VTI1A: variants seen among roughly 807,000 people sequenced by gnomAD.
The protein encoded by VTI1A is vesicle transport through interaction with t-SNAREs 1A.
VTI1A carries 22 observed loss-of-function variants against 34.9 expected under a neutral mutation model. That is an observed-to-expected ratio of 0.63 (90% CI 0.45 to 0.90). The LOEUF is 0.90. Among genes scored for constraint, VTI1A ranks in the 40% least tolerant of loss-of-function variants. The probability of loss-of-function intolerance (pLI) is 0.00; values close to 1 mark genes in which losing one functional copy is unlikely to be tolerated. For missense variants in VTI1A, 268 were observed against 275.6 expected, an observed-to-expected ratio of 0.97 and a Z score of 0.20; for synonymous variants, 87 against 97.3, an observed-to-expected ratio of 0.89 and a Z score of 0.62.
chr10:112,760,220 G>A (rs1209630040), intron 7 of VTI1A, among the ~76,000 whole-genome samples: 1 of 152,174 alleles, frequency 6.6e-6, no homozygotes, highest in East Asian at 1.9e-4. Flanking sequence ...ACCATGGATA[G>A]TACTAAGCCC....
intron 4 of VTI1A, among the ~76,000 whole-genome samples, chr10:112,537,469 A>G (rs1018991023): frequency 1.1e-4 from 16 of 151,516 alleles, no homozygotes; most frequent in African/African-American, 3.9e-4. Context: ...GAGGAAAGAA[A>G]GTTTAGAAGC....
At chr10:112,579,556 AG>A (rs1843842381) in intron 5 of VTI1A, among the ~76,000 whole-genome samples, 1 of 152,200 alleles carries the variant, frequency 6.6e-6, no homozygotes, top group South Asian at 2.1e-4. Flanking sequence ...AACTAAAAAA[AG>A]GTATATCTTA....
At chr10:112,757,349 T>C (rs1455638348) in intron 7 of VTI1A, among the ~76,000 whole-genome samples, 8 of 135,580 alleles carry the variant, frequency 5.9e-5, no homozygotes, top group Non-Finnish European at 1.2e-4. Flanking sequence ...TTTGTTGCTG[T>C]GATTTTTTTT....
intron 5 of VTI1A, among the ~76,000 whole-genome samples, chr10:112,607,705 C>T (rs1589967155): frequency 1.3e-5 from 2 of 152,182 alleles, no homozygotes; most frequent in East Asian, 1.9e-4. Context: ...CTCGGTCTCT[C>T]GGACTCATGA....
chr10:112,700,860 C>G (rs1337363803), intron 7 of VTI1A, among the ~76,000 whole-genome samples: 2 of 152,172 alleles, frequency 1.3e-5, no homozygotes, highest in Non-Finnish European at 2.9e-5. Context: ...TTCATCTGTT[C>G]CACCACTTTG....
At chr10:112,664,140 T>C (rs1362284148) in intron 5 of VTI1A, among the ~76,000 whole-genome samples, 1 of 152,226 alleles carries the variant, frequency 6.6e-6, no homozygotes, top group Admixed American at 6.5e-5. Context: ...TAACAAAGTT[T>C]ATGAAAAGAA....
At chr10:112,764,375 G>C (rs1851579801) in intron 7 of VTI1A, among the ~76,000 whole-genome samples, 1 of 152,208 alleles carries the variant, frequency 6.6e-6, no homozygotes, top group Admixed American at 6.5e-5. Context: ...AATAATGCAA[G>C]AGTCATCTTT....
At chr10:112,604,164 C>T (rs1477863848) in intron 5 of VTI1A, among the ~76,000 whole-genome samples, 1 of 152,104 alleles carries the variant, frequency 6.6e-6, no homozygotes, top group African/African-American at 2.4e-5. Context: ...GCTCTGGAGC[C>T]ACACTGCCTG....
chr10:112,599,822 T>C (rs1452707421), intron 5 of VTI1A, among the ~76,000 whole-genome samples: 1 of 152,136 alleles, frequency 6.6e-6, no homozygotes, highest in Non-Finnish European at 1.5e-5. Flanking sequence ...TCAAGGATGA[T>C]CTTGCCTCGG....
chr10:112,505,370 T>C (rs1849390250), intron 3 of VTI1A, among the ~76,000 whole-genome samples: 1 of 152,222 alleles, frequency 6.6e-6, no homozygotes, highest in African/African-American at 2.4e-5. Context: ...TCACTTATTG[T>C]TTGCAATTCA....
intron 5 of VTI1A, among the ~76,000 whole-genome samples, chr10:112,612,365 T>C (rs1227414079): frequency 6.6e-6 from 1 of 152,208 alleles, no homozygotes; most frequent in African/African-American, 2.4e-5. Context: ...ATTTCTTTCT[T>C]GCTTCCTACT....
intron 5 of VTI1A, among the ~76,000 whole-genome samples, chr10:112,594,139 C>G (rs1844517776): frequency 6.6e-6 from 1 of 152,136 alleles, no homozygotes; most frequent in African/African-American, 2.4e-5. Context: ...TCTCGATTGC[C>G]TGACCTTGTG....
the VTI1A span, among the ~76,000 whole-genome samples, chr10:112,830,831 ATATATATATATATATATATT>A: frequency 6.9e-5 from 3 of 43,674 alleles, no homozygotes; most frequent in South Asian, 2.3e-3. Context: ...TCATATATAT[ATATATATATATATATATATT>A]TTTTTTTTTT....
At chr10:112,553,289 T>G (rs1448474992) in intron 5 of VTI1A, among the ~76,000 whole-genome samples, 1 of 152,254 alleles carries the variant, frequency 6.6e-6, no homozygotes, top group Non-Finnish European at 1.5e-5. Flanking sequence ...GTCCTGCCAC[T>G]TAATAACTGT....
At chr10:112,538,136 G>A (rs985452952) in intron 4 of VTI1A, 110 bp from the exon 5 acceptor site, 9 of 845,120 alleles carry the variant, frequency 1.1e-5, no homozygotes, top group Admixed American at 7.9e-5. Context: ...AATGGGTTGC[G>A]AACCCCCCCA....
intron 4 of VTI1A, among the ~76,000 whole-genome samples, chr10:112,531,274 T>C (rs1056859471): frequency 2.0e-5 from 3 of 151,946 alleles, no homozygotes; most frequent in Non-Finnish European, 2.9e-5. Context: ...AAATTCTGCA[T>C]TGGGGGAAAA....
At chr10:112,832,323 C>T in the VTI1A span, 1 of 152,112 alleles carries the variant, frequency 6.6e-6, no homozygotes, top group Admixed American at 6.5e-5. Flanking sequence ...CTGAAAGTCT[C>T]ATTCTGCCCA....
At chr10:112,623,185 C>T (rs1285268387) in intron 5 of VTI1A, among the ~76,000 whole-genome samples, 4 of 152,080 alleles carry the variant, frequency 2.6e-5, no homozygotes, top group African/African-American at 9.7e-5. Context: ...ATTTGTTTTC[C>T]AATCTCTATA....
At chr10:112,833,814 T>C in the VTI1A span, among the ~76,000 whole-genome samples, 1 of 152,202 alleles carries the variant, frequency 6.6e-6, no homozygotes, top group Non-Finnish European at 1.5e-5. Context: ...GGCATTGATC[T>C]TTAGCTCCCA....
Sources: allele counts gnomAD v4.1 joint callset (sites outside exome capture counted in the v4.1 genomes callset), GRCh38; gene constraint gnomAD v4.1.1; transcripts MANE v1.5; gene names NCBI Gene and HGNC (gene_info 2026-07-23, HGNC 2026-07-21).